Variants in FHIT observed in about 807,000 individuals in gnomAD.
FHIT encodes bis(5'-adenosyl)-triphosphatase.
A neutral mutation model predicts 17.9 loss-of-function variants in FHIT; 19 were observed. The ratio of observed to expected loss-of-function variants is 1.06; its 90% CI spans 0.74 to 1.56. The LOEUF (loss-of-function observed/expected upper bound fraction) is 1.56, where lower values mean the gene tolerates loss of function less well. FHIT is among the 40% of genes most tolerant of loss of function. The pLI, the probability that FHIT is intolerant of heterozygous loss-of-function variation, is 0.00. For missense variants in FHIT, 248 were observed against 189.2 expected, an observed-to-expected ratio of 1.31 and a Z score of -1.82; for synonymous variants, 81 against 69.7, an observed-to-expected ratio of 1.16 and a Z score of -0.81.
At chr3:60,643,772 A>T (rs902435566) in intron 4 of FHIT, among the ~76,000 whole-genome samples, 1 of 152,144 alleles carries the variant, frequency 6.6e-6, no homozygotes, top group Non-Finnish European at 1.5e-5. Context: ...TTTCCTCCAA[A>T]CCAGAAAGGA....
chr3:60,996,094 T>C (rs1272372011), intron 3 of FHIT, among the ~76,000 whole-genome samples: 2 of 152,218 alleles, frequency 1.3e-5, no homozygotes, highest in African/African-American at 4.8e-5. Context: ...GGCTTAGGAA[T>C]GTAATCATTC....
chr3:59,910,712 T>C (rs961293419), intron 8 of FHIT, among the ~76,000 whole-genome samples: 2 of 152,166 alleles, frequency 1.3e-5, no homozygotes, highest in Admixed American at 6.5e-5. Flanking sequence ...GTAAAATCCA[T>C]ATAGGCCATA....
rs2036150419 is a variant in FHIT at position 60,540,476 on chromosome 3, G to A, written c.-17-3497C>T. Among the ~76,000 whole-genome samples the A allele has an allele frequency of 3.3e-5, 5 of 152,118 alleles. No homozygotes were observed. In the South Asian group the frequency reaches 1.0e-3, roughly 31 times the overall value. On this transcript the variant is annotated intron_variant, in intron 4 of 9. Coordinates refer to ENST00000492590, the MANE Select transcript of FHIT (RefSeq NM_002012.4). ...CATGGCATTGAGCCCTCAACCTGTG[G>A]AATCTGAGGCTATCTCCAGGTACGT...
At chr3:60,308,747 T>C (rs1576454364) in intron 5 of FHIT, among the ~76,000 whole-genome samples, 1 of 152,254 alleles carries the variant, frequency 6.6e-6, no homozygotes, top group South Asian at 2.1e-4. Flanking sequence ...ATTCACTAAA[T>C]GTCATCTATC....
chr3:60,118,738 T>A (rs983351749), intron 5 of FHIT, among the ~76,000 whole-genome samples: 2 of 77,094 alleles, frequency 2.6e-5, no homozygotes, highest in South Asian at 4.6e-4. Context: ...TCCGGGCCTG[T>A]AATCCCAGCA....
intron 3 of FHIT, among the ~76,000 whole-genome samples, chr3:61,021,348 C>G (rs2032415244): frequency 6.6e-6 from 1 of 151,744 alleles, no homozygotes; most frequent in Admixed American, 6.6e-5. Context: ...GCCTGTAATC[C>G]CAGCACTTTG....
intron 5 of FHIT, among the ~76,000 whole-genome samples, chr3:60,095,624 G>C (rs1703913367): frequency 6.6e-6 from 1 of 152,206 alleles, no homozygotes; most frequent in Non-Finnish European, 1.5e-5. Flanking sequence ...GGAAAGCTGA[G>C]GGTGAAGGGA....
At chr3:60,009,051 T>G (rs1700029013) in intron 7 of FHIT, among the ~76,000 whole-genome samples, 1 of 152,178 alleles carries the variant, frequency 6.6e-6, no homozygotes, top group South Asian at 2.1e-4. Flanking sequence ...CCAAAGTTAA[T>G]TTTCATGCAG....
At chr3:61,082,857 T>C (rs1242570490) in intron 2 of FHIT, among the ~76,000 whole-genome samples, 2 of 152,186 alleles carry the variant, frequency 1.3e-5, no homozygotes, top group Non-Finnish European at 2.9e-5. Context: ...ATTGCCCTTT[T>C]TTCCAATGGG....
intron 5 of FHIT, among the ~76,000 whole-genome samples, chr3:60,071,297 G>A (rs570258079): frequency 3.3e-5 from 5 of 152,266 alleles, no homozygotes; most frequent in Non-Finnish European, 7.4e-5. Flanking sequence ...CAGCTTATAT[G>A]TTGAAATCAT....
chr3:61,004,823 C>T (rs148954201), intron 3 of FHIT, among the ~76,000 whole-genome samples: 3 of 152,202 alleles, frequency 2.0e-5, no homozygotes, highest in South Asian at 2.1e-4. Flanking sequence ...AGCCGCCAAC[C>T]GCAGAGAACT....
chr3:59,769,754 A>C (rs1281657953), intron 8 of FHIT, among the ~76,000 whole-genome samples: 1 of 151,542 alleles, frequency 6.6e-6, no homozygotes. Context: ...TTTTGAAAAA[A>C]ATGGCCATCT....
At chr3:60,753,360 G>A (rs527671494) in intron 4 of FHIT, among the ~76,000 whole-genome samples, 3 of 152,148 alleles carry the variant, frequency 2.0e-5, no homozygotes, top group Non-Finnish European at 2.9e-5. Flanking sequence ...GCCCTCTGGC[G>A]GGTAACAGAA....
chr3:60,744,012 T>C (rs994493871), intron 4 of FHIT, among the ~76,000 whole-genome samples: 7 of 152,080 alleles, frequency 4.6e-5, no homozygotes, highest in South Asian at 2.1e-4. Flanking sequence ...ACTAGCTTAG[T>C]TCCCTTTTCT....
At chr3:60,977,833 T>C (rs1488228700) in intron 3 of FHIT, among the ~76,000 whole-genome samples, 2 of 152,100 alleles carry the variant, frequency 1.3e-5, no homozygotes, top group South Asian at 4.1e-4. Context: ...ATCTCGCCAT[T>C]GCACTCCAGC....
At chr3:61,186,557 G>A (rs1441071443) in intron 2 of FHIT, among the ~76,000 whole-genome samples, 1 of 152,204 alleles carries the variant, frequency 6.6e-6, no homozygotes, top group Non-Finnish European at 1.5e-5. Context: ...AGGCTATGAG[G>A]ATCCTGAGAC....
At chr3:59,900,736 C>G (rs1216614707) in intron 8 of FHIT, among the ~76,000 whole-genome samples, 2 of 152,156 alleles carry the variant, frequency 1.3e-5, no homozygotes, top group Admixed American at 1.3e-4. Flanking sequence ...ACGTCAGCCT[C>G]CTGAGTAACT....
chr3:60,363,705 C>T (rs1329302377), intron 5 of FHIT, among the ~76,000 whole-genome samples: 1 of 152,184 alleles, frequency 6.6e-6, no homozygotes, highest in East Asian at 1.9e-4. Context: ...CTCCACTGTG[C>T]TCTGTACCCC....
chr3:60,153,356 A>G (rs1317389429), intron 5 of FHIT, among the ~76,000 whole-genome samples: 1 of 116,250 alleles, frequency 8.6e-6, no homozygotes, highest in Non-Finnish European at 1.8e-5. Flanking sequence ...TTCACTCACA[A>G]TTCACCAGAA....
Sources: gnomAD v4.1 joint callset for allele counts (sites outside exome capture counted in the v4.1 genomes callset) on GRCh38, gnomAD v4.1.1 for gene constraint, MANE v1.5 for transcripts, NCBI Gene and HGNC (gene_info 2026-07-23, HGNC 2026-07-21) for gene names.